The following BTBD8 variants were observed in gnomAD, a reference collection of about 807,000 sequenced individuals.
BTBD8 encodes BTB/POZ domain-containing protein 8.
In BTBD8, 110 loss-of-function variants were observed where a neutral mutation model predicts 162.9. The ratio of observed to expected loss-of-function variants is 0.68; its 90% CI spans 0.58 to 0.79. BTBD8 has a LOEUF of 0.79. Ranked by LOEUF, BTBD8 falls within the 30% of genes least tolerant of loss-of-function variation. The probability of loss-of-function intolerance (pLI) is 0.00; values close to 1 mark genes in which losing one functional copy is unlikely to be tolerated. For synonymous variants in BTBD8, 667 were observed against 716.1 expected, an observed-to-expected ratio of 0.93 and a Z score of 1.10; for missense variants, 1,905 against 2,085.4, an observed-to-expected ratio of 0.91 and a Z score of 1.68.
intron 17 of BTBD8, 109 bp from the exon 18 acceptor site, chr1:92,183,755 G>GTTTTTT (rs59910368): frequency 9.3e-6 from 4 of 431,158 alleles, no homozygotes; most frequent in Admixed American, 4.4e-5. Context: ...CCCATTCTGT[G>GTTTTTT]TTTTTTTTTT....
At position 92,167,115 on chromosome 1, in the gene BTBD8, G is replaced by A; in HGVS notation, c.1280G>A (p.Ser427Asn). 1.3e-6 allele frequency: 2 copies of A among 1,550,508 alleles called. No individual in the cohort carries two copies. The highest frequency in any genetic ancestry group is 2.0e-5 in the Admixed American group (1 of 50,986). ...IVDNFSKIIQ[S>N]ENFALLLQSQ... ...GACAACTTCTCCAAGATTATTCAGA[G>A]TGAAAATTTTGCTCTTCTTTTACAG... The change falls in exon 10 of 18, where the codon AGT (serine) becomes AAT (asparagine). Residue 427 changes from serine (S) to asparagine (N), a missense_variant. Physicochemically the swap from Ser to Asn is conservative, Grantham distance 46. This residue lies in a region of BTBD8 where 1,374 missense variants were observed against 1,442.7 expected (regional missense o/e 0.95). Coordinates refer to ENST00000636805, the MANE Select transcript of BTBD8 (RefSeq NM_001376131.1).
Position 92,157,329 on chromosome 1 carries a change from A to G in BTBD8, c.1122+9543A>G, listed in dbSNP as rs77841429. Among the ~76,000 whole-genome samples, 1,369 of 152,232 alleles carry G rather than the reference A, an allele frequency of 9.0e-3. 17 individuals are homozygous for G. Among genetic ancestry groups the G allele is most frequent in the African/African-American group, 0.031 (1,287 of 41,526 alleles). On this transcript the variant is annotated intron_variant, in intron 9 of 17. Transcript: ENST00000636805. Reference sequence around the variant, plus strand: ...TTGTTAAGACTTATTTTGTGACCGAACATGATAGATTCTGGAGAACATTTT... The same window carrying G: ...TTGTTAAGACTTATTTTGTGACCGAGCATGATAGATTCTGGAGAACATTTT...
chr1:92,136,383 A>G (rs1013803350), intron 5 of BTBD8, among the ~76,000 whole-genome samples: 9 of 150,118 alleles, frequency 6.0e-5, no homozygotes, highest in African/African-American at 1.7e-4. Flanking sequence ...CATTGAGAAC[A>G]TAGCCATTTG....
At chr1:92,136,040 T>C (rs1378102442) in intron 5 of BTBD8, among the ~76,000 whole-genome samples, 1 of 152,106 alleles carries the variant, frequency 6.6e-6, no homozygotes, top group Admixed American at 6.5e-5. Flanking sequence ...AATGAGAACA[T>C]TTAGATATTT....
Position 92,180,957 on chromosome 1 carries a change from T to C in BTBD8, c.3274T>C (p.Tyr1092His). 1 of 1,551,712 alleles carries C rather than the reference T, an allele frequency of 6.4e-7. No homozygotes were observed. Among genetic ancestry groups the C allele is most frequent in the Non-Finnish European group, 8.7e-7 (1 of 1,147,000 alleles). ...SKFYSTTALK[Y>H]MVSNPNENSL... The stretch of plus-strand genomic sequence containing the variant: ...ATTTTATAGCACCACAGCCCTAAAA[T>C]ACATGGTTTCAAATCCAAATGAAAA... Residue 1092 changes from tyrosine to histidine, a missense_variant, in exon 17 of 18, where the codon TAC (tyrosine) becomes CAC (histidine). By Grantham distance (83) the Tyr-to-His change is moderately conservative (BLOSUM62 2). This residue lies in a region of BTBD8 where 1,374 missense variants were observed against 1,442.7 expected (regional missense o/e 0.95). Transcript: ENST00000636805.
chr1:92,166,442 T>TTGG (rs397736713), intron 9 of BTBD8, among the ~76,000 whole-genome samples: 1 of 148,688 alleles, frequency 6.7e-6, no homozygotes, highest in African/African-American at 2.5e-5. Context: ...TTTTTTTTTT[T>TTGG]GAGATGGAGT....
intron 4 of BTBD8, among the ~76,000 whole-genome samples, chr1:92,119,353 A>G (rs567594476): frequency 7.0e-6 from 1 of 142,782 alleles, no homozygotes; most frequent in South Asian, 2.2e-4. Flanking sequence ...TGACGCGATC[A>G]TGGGTCACTG....
At chr1:92,103,784 A>G (rs1247995752) in intron 3 of BTBD8, among the ~76,000 whole-genome samples, 1 of 152,208 alleles carries the variant, frequency 6.6e-6, no homozygotes, top group Admixed American at 6.5e-5. Flanking sequence ...ATTTTTCTGG[A>G]GTAATACATA....
intron 9 of BTBD8, among the ~76,000 whole-genome samples, chr1:92,152,831 T>TAA (rs1650074407): frequency 6.6e-6 from 1 of 152,180 alleles, no homozygotes; most frequent in Non-Finnish European, 1.5e-5. Context: ...GATAAAAAGA[T>TAA]AAACATCAGA....
At chr1:92,082,187 A>G (rs1648036424) in intron 1 of BTBD8, among the ~76,000 whole-genome samples, 1 of 152,072 alleles carries the variant, frequency 6.6e-6, no homozygotes, top group African/African-American at 2.4e-5. Context: ...AATTCTTATT[A>G]TAAACAAAGA....
At chr1:92,131,742 A>G (rs1404779182) in intron 5 of BTBD8, among the ~76,000 whole-genome samples, 2 of 149,660 alleles carry the variant, frequency 1.3e-5, no homozygotes, top group Non-Finnish European at 3.0e-5. Flanking sequence ...AAAAAAAACC[A>G]CACACATTAT....
At chr1:92,081,642 C>T (rs975773229) in intron 1 of BTBD8, among the ~76,000 whole-genome samples, 3 of 152,150 alleles carry the variant, frequency 2.0e-5, no homozygotes, top group Non-Finnish European at 2.9e-5. Flanking sequence ...GGCGCGATCT[C>T]GGCTCACTGC....
At chr1:92,148,403 G>T (rs1003173781) in intron 9 of BTBD8, among the ~76,000 whole-genome samples, 7 of 152,138 alleles carry the variant, frequency 4.6e-5, no homozygotes, top group African/African-American at 1.4e-4. Flanking sequence ...CCTTGCTCAT[G>T]GAATTCACTG....
chr1:92,140,558 G>T (rs903609305), intron 6 of BTBD8, among the ~76,000 whole-genome samples: 8 of 152,064 alleles, frequency 5.3e-5, no homozygotes, highest in African/African-American at 1.9e-4. Flanking sequence ...TTGTCCCCTG[G>T]CAACCTATAC....
rs1288118072 is a variant in BTBD8 at position 92,181,498 on chromosome 1, G to C, written c.3815G>C (p.Gly1272Ala). 1.3e-6 allele frequency: 2 copies of C among 1,551,716 alleles called. No individual in the cohort carries two copies. Among genetic ancestry groups the C allele is most frequent in the East Asian group, 2.4e-5 (1 of 40,918 alleles). The change falls in exon 17 of 18, where the codon GGA becomes GCA. Residue 1272 changes from glycine (G) to alanine (A), a missense_variant. Gly to Ala is a moderately conservative substitution (Grantham distance 60, BLOSUM62 0). This residue lies in a region of BTBD8 where 517 missense variants were observed against 606.6 expected (regional missense o/e 0.85). Transcript: ENST00000636805. ...IKPRSEDYDAGGSQDDDGSND... is the reference protein window; with the variant it reads ...IKPRSEDYDAAGSQDDDGSND... The stretch of plus-strand genomic sequence containing the variant: ...CCCAGATCTGAAGACTATGATGCTG[G>C]AGGGTCTCAGGATGATGATGGGTCA...
At chr1:92,180,227 ATATTACATTAC>A in intron 16 of BTBD8, 27 bp from the exon 17 acceptor site, 1 of 1,389,446 alleles carries the variant, frequency 7.2e-7, no homozygotes, top group Non-Finnish European at 9.6e-7. Context: ...ATTGGAGGTG[ATATTACATTAC>A]TGAATATACC....
At chr1:92,093,704 C>A (rs570588909) in intron 2 of BTBD8, among the ~76,000 whole-genome samples, 1 of 152,118 alleles carries the variant, frequency 6.6e-6, no homozygotes, top group Non-Finnish European at 1.5e-5. Flanking sequence ...AAGCACTTAG[C>A]GCAGTGGCCT....
chr1:92,112,204 G>A (rs1178009934), intron 4 of BTBD8, among the ~76,000 whole-genome samples: 1 of 152,106 alleles, frequency 6.6e-6, no homozygotes, highest in African/African-American at 2.4e-5. Context: ...GAACCAGGGA[G>A]TTTGAGACCA....
At chr1:92,122,493 G>A (rs1050326449) in intron 4 of BTBD8, among the ~76,000 whole-genome samples, 23 of 151,390 alleles carry the variant, frequency 1.5e-4, no homozygotes, top group African/African-American at 4.6e-4. Flanking sequence ...TCTTGACCTC[G>A]TGATCTGCCC....
Sources: gnomAD v4.1 joint callset for allele counts (sites outside exome capture counted in the v4.1 genomes callset) on GRCh38, gnomAD v4.1.1 for gene constraint, gnomAD v4.1.1 regional missense constraint, MANE v1.5 for transcripts, NCBI Gene and HGNC (gene_info 2026-07-23, HGNC 2026-07-21) for gene names.